TMEM17: variants seen among roughly 807,000 people sequenced by gnomAD.
TMEM17 encodes the protein transmembrane protein 17.
In TMEM17, 15 loss-of-function variants were observed where a neutral mutation model predicts 19.1. The ratio of observed to expected loss-of-function variants is 0.78; its 90% CI spans 0.52 to 1.21. The LOEUF (loss-of-function observed/expected upper bound fraction) is 1.21, where lower values mean the gene tolerates loss of function less well. Among genes scored for constraint, TMEM17 ranks in the 50% most tolerant of loss-of-function variants. The pLI is 0.00. For missense variants in TMEM17, 245 were observed against 242.3 expected (o/e 1.01, Z -0.07); for synonymous variants, 103 against 86.9 (o/e 1.19, Z -1.03).
intron 1 of TMEM17, among the ~76,000 whole-genome samples, chr2:62,503,479 G>A (rs1679986998): frequency 1.3e-5 from 2 of 152,154 alleles, no homozygotes; most frequent in African/African-American, 2.4e-5. Context: ...AAGCAAATCC[G>A]AGCTCCCCAA....
At chr2:62,454,134 G>A in the TMEM17 span, among the ~76,000 whole-genome samples, 1 of 152,220 alleles carries the variant, frequency 6.6e-6, no homozygotes, top group Non-Finnish European at 1.5e-5. Context: ...TGATCTTGCT[G>A]CAGCAGCCTC....
At chr2:62,492,727 A>G in the TMEM17 span, among the ~76,000 whole-genome samples, 5 of 152,244 alleles carry the variant, frequency 3.3e-5, no homozygotes. Context: ...CCTGTCCCCA[A>G]GATGCTCAGT....
chr2:62,505,669 G>A (rs1680047193), intron 1 of TMEM17, among the ~76,000 whole-genome samples: 1 of 152,224 alleles, frequency 6.6e-6, no homozygotes. Context: ...CTTCGCTCTC[G>A]CGGCGCGCGG....
At chr2:62,460,090 G>A in the TMEM17 span, among the ~76,000 whole-genome samples, 1 of 152,200 alleles carries the variant, frequency 6.6e-6, no homozygotes, top group Non-Finnish European at 1.5e-5. Context: ...ACTGAATAGT[G>A]CCTCTGTCTT....
At chr2:62,478,495 G>C in the TMEM17 span, among the ~76,000 whole-genome samples, 2 of 152,216 alleles carry the variant, frequency 1.3e-5, no homozygotes, top group Non-Finnish European at 2.9e-5. Context: ...TCCTGCACAC[G>C]TGGATGTGAT....
intron 3 of TMEM17, 83 bp from the exon 4 acceptor site, chr2:62,501,570 C>T (rs951711411): frequency 8.9e-6 from 12 of 1,340,942 alleles, no homozygotes; most frequent in African/African-American, 5.9e-5. Context: ...TTATCACTAC[C>T]GTGAACCTAC....
the TMEM17 span, among the ~76,000 whole-genome samples, chr2:62,489,904 G>A: frequency 8.9e-3 from 1,351 of 152,320 alleles, 18 homozygotes; most frequent in African/African-American, 0.03. Context: ...GCTGGGCATG[G>A]TGGCTCAGGC....
chr2:62,459,310 C>T, the TMEM17 span, among the ~76,000 whole-genome samples: 1 of 152,282 alleles, frequency 6.6e-6, no homozygotes, highest in East Asian at 1.9e-4. Context: ...CTCAGGGGCC[C>T]CTTACTTACG....
At chr2:62,501,550 A>G (rs372780980) in intron 3 of TMEM17, 63 bp from the exon 4 acceptor site, 1 of 1,493,042 alleles carries the variant, frequency 6.7e-7, no homozygotes, top group Non-Finnish European at 9.0e-7. Context: ...TTATACAGAT[A>G]AACAAGTACT....
the TMEM17 span, among the ~76,000 whole-genome samples, chr2:62,460,679 A>AT: frequency 1.3e-5 from 2 of 152,152 alleles, no homozygotes; most frequent in East Asian, 1.9e-4. Flanking sequence ...TGAAGGTCGC[A>AT]TTTTTTCCCA....
chr2:62,475,408 C>G, the TMEM17 span, among the ~76,000 whole-genome samples: 1 of 152,254 alleles, frequency 6.6e-6, no homozygotes, highest in Admixed American at 6.5e-5. Context: ...GCCCGGGAAC[C>G]TACGAGAGTC....
At position 62,502,519 on chromosome 2, in the gene TMEM17, A is replaced by G. The variant is rs201770173; in HGVS notation, c.236T>C (p.Ile79Thr). 1.9e-5 allele frequency: 30 copies of G among 1,611,554 alleles called. No individual in the cohort carries two copies. Among genetic ancestry groups the G allele is most frequent in the Non-Finnish European group, 2.5e-5 (30 of 1,178,372 alleles). Residue 79 changes from isoleucine (I) to threonine (T), a missense_variant, in exon 3 of 4, where the codon ATT becomes ACT. Physicochemically the swap from Ile to Thr is moderately conservative, Grantham distance 89. Coordinates refer to ENST00000335390, the MANE Select transcript of TMEM17 (RefSeq NM_198276.3). ...TATTAGGATGATAACAGTGATCACA[A>G]TGAATTTGTAGTAGTCAGGTAAGAT... ...YSILPDYYKF[I>T]VITVIILITL...
At chr2:62,478,632 C>T in the TMEM17 span, among the ~76,000 whole-genome samples, 2 of 152,174 alleles carry the variant, frequency 1.3e-5, no homozygotes, top group South Asian at 4.1e-4. Context: ...TGCCACTGAC[C>T]TTGGGTAAGT....
the TMEM17 span, among the ~76,000 whole-genome samples, chr2:62,482,524 C>T: frequency 6.6e-6 from 1 of 152,172 alleles, no homozygotes; most frequent in Admixed American, 6.5e-5. Flanking sequence ...TCAGTCTACC[C>T]TTAGTCAGAG....
chr2:62,472,269 A>C, the TMEM17 span, among the ~76,000 whole-genome samples: 1 of 152,198 alleles, frequency 6.6e-6, no homozygotes, highest in Non-Finnish European at 1.5e-5. Flanking sequence ...AAATGTCACA[A>C]ACAGCTCCCT....
chr2:62,470,450 C>T, the TMEM17 span, among the ~76,000 whole-genome samples: 1 of 152,248 alleles, frequency 6.6e-6, no homozygotes, highest in East Asian at 1.9e-4. Context: ...GAGGGATAAA[C>T]ATTCATGAGC....
the TMEM17 span, among the ~76,000 whole-genome samples, chr2:62,485,964 CT>C: frequency 6.6e-5 from 10 of 152,150 alleles, no homozygotes; most frequent in African/African-American, 1.9e-4. Context: ...AAAAACTGTG[CT>C]TTTTTTTCCC....
the TMEM17 span, among the ~76,000 whole-genome samples, chr2:62,456,633 T>C: frequency 6.6e-6 from 1 of 152,168 alleles, no homozygotes; most frequent in Admixed American, 6.5e-5. Context: ...TTGGGGGCCA[T>C]CATTCAGCCC....
chr2:62,482,203 G>A, the TMEM17 span, among the ~76,000 whole-genome samples: 1 of 152,182 alleles, frequency 6.6e-6, no homozygotes, highest in Non-Finnish European at 1.5e-5. Context: ...GAAACATATA[G>A]GAAAGGGAAT....
Sources: gnomAD v4.1 joint callset for allele counts (sites outside exome capture counted in the v4.1 genomes callset) on GRCh38, gnomAD v4.1.1 for gene constraint, MANE v1.5 for transcripts, NCBI Gene and HGNC (gene_info 2026-07-23, HGNC 2026-07-21) for gene names.